The following C5orf34 variants were observed in gnomAD, a reference collection of about 807,000 sequenced individuals.
C5orf34 encodes chromosome 5 open reading frame 34.
C5orf34 carries 73 observed loss-of-function variants against 78.4 expected under a neutral mutation model. The observed-to-expected ratio is 0.93, with a 90% CI of 0.77 to 1.13. The LOEUF (loss-of-function observed/expected upper bound fraction) is 1.13, where lower values mean the gene tolerates loss of function less well. C5orf34 is among the 50% of genes most tolerant of loss of function. C5orf34 has a pLI of 0.00. For synonymous variants in C5orf34, 251 were observed against 246.6 expected, an observed-to-expected ratio of 1.02 and a Z score of -0.17; for missense variants, 730 against 732.7, an observed-to-expected ratio of 1.00 and a Z score of 0.04.
intron 6 of C5orf34, chr5:43,495,906 G>A: frequency 1.3e-6 from 2 of 1,592,144 alleles, no homozygotes; most frequent in African/African-American, 1.3e-5. Context: ...ACTGTGTCAG[G>A]GTTGTAACCA....
chr5:43,499,514 T>C, intron 6 of C5orf34, among the ~76,000 whole-genome samples: 1 of 152,020 alleles, frequency 6.6e-6, no homozygotes, highest in East Asian at 1.9e-4. Flanking sequence ...TAAGTTTTTG[T>C]TAAAAAAAGT....
intron 10 of C5orf34, among the ~76,000 whole-genome samples, chr5:43,491,094 G>A (rs552103450): frequency 3.3e-5 from 5 of 152,152 alleles, no homozygotes; most frequent in South Asian, 4.2e-4. Flanking sequence ...CACAAAATAA[G>A]ACTGACTGAG....
chr5:43,495,195 G>A (rs1292682836), intron 6 of C5orf34: 2 of 1,611,422 alleles, frequency 1.2e-6, no homozygotes, highest in Non-Finnish European at 1.7e-6. Flanking sequence ...ACAGCAAAAT[G>A]ACCCAAAGGT....
intron 3 of C5orf34, among the ~76,000 whole-genome samples, chr5:43,508,261 A>ATTTGCTTATAT (rs1203655627): frequency 2.6e-5 from 4 of 152,154 alleles, no homozygotes; most frequent in Non-Finnish European, 4.4e-5. Context: ...AATACTATAT[A>ATTTGCTTATAT]AGCAAAATAA....
At chr5:43,505,251 C>A (rs1019866873) in intron 4 of C5orf34, among the ~76,000 whole-genome samples, 1 of 152,162 alleles carries the variant, frequency 6.6e-6, no homozygotes, top group South Asian at 2.1e-4. Flanking sequence ...TGAAAACAGA[C>A]GTATTTATAG....
At chr5:43,513,230 T>C (rs1002963538) in intron 1 of C5orf34, among the ~76,000 whole-genome samples, 3 of 152,208 alleles carry the variant, frequency 2.0e-5, no homozygotes, top group Non-Finnish European at 4.4e-5. Context: ...TTTTAATTAT[T>C]TTCTTTCTCT....
intron 6 of C5orf34, among the ~76,000 whole-genome samples, chr5:43,501,700 T>C (rs1054113472): frequency 4.6e-5 from 7 of 152,162 alleles, no homozygotes; most frequent in Non-Finnish European, 8.8e-5. Flanking sequence ...CTCTATTCCC[T>C]AGGGATTCTG....
Position 43,502,454 on chromosome 5 carries a change from C to A in C5orf34, c.1070G>T (p.Gly357Val). Residue 357 changes from glycine (G) to valine (V), a missense_variant, in exon 6 of 13, where the codon GGG becomes GTG. Transcript: ENST00000306862. ...TTCTGATTTGAAAACAGATCCATCC[C>A]CAGAATAAATCTCTATTGAGTTCAT... Reference protein sequence around the residue: ...QNMNSIEIYSGDGSVFKSEGA... With the variant: ...QNMNSIEIYSVDGSVFKSEGA... 1 of 1,582,236 alleles carries A rather than the reference C, an allele frequency of 6.3e-7. No individual in the cohort carries two copies. Among genetic ancestry groups the A allele is most frequent in the East Asian group, 2.2e-5 (1 of 44,620 alleles).
Position 43,502,548 on chromosome 5 carries a change from T to G in C5orf34, c.1029-53A>C, listed in dbSNP as rs1745806663. On this transcript the variant is annotated intron_variant, in intron 5 of 12. Coordinates refer to ENST00000306862, the MANE Select transcript of C5orf34 (RefSeq NM_198566.4). ...TTTTTTTCCACTTGAGATTAAAACA[T>G]GCATGAAGATAGTCATCAAAAAACA... The G allele has an allele frequency of 6.6e-5, 69 of 1,040,680 alleles. No individual in the cohort carries two copies. The South Asian group carries it at 9.4e-4, about 14-fold the overall frequency. The allele number at this position is 1,040,680 out of a possible 1,614,324, so 64.5% of individuals were successfully genotyped here. A position where few individuals can be genotyped will look rare whatever the true frequency, so the allele number is the denominator to read the frequency against.
intron 11 of C5orf34, among the ~76,000 whole-genome samples, chr5:43,488,790 A>G (rs1745160704): frequency 6.6e-6 from 1 of 152,016 alleles, no homozygotes. Flanking sequence ...ATGAAATATG[A>G]GCAATGGCAT....
intron 1 of C5orf34, among the ~76,000 whole-genome samples, chr5:43,512,601 T>G (rs1746316637): frequency 6.6e-6 from 1 of 152,168 alleles, no homozygotes; most frequent in African/African-American, 2.4e-5. Context: ...TCCCCTAACA[T>G]TGGGCTGCCA....
intron 1 of C5orf34, among the ~76,000 whole-genome samples, chr5:43,511,451 TGGGGGGCGCCTC>T (rs1579886462): frequency 2.7e-5 from 4 of 147,242 alleles, no homozygotes; most frequent in Non-Finnish European, 4.5e-5. Context: ...AACCGGGAGG[TGGGGGGCGCCTC>T]TGCCTGGCCG....
chr5:43,508,430 A>C, intron 3 of C5orf34, 147 bp downstream of exon 3: 1 of 507,130 alleles, frequency 2.0e-6, no homozygotes, highest in Non-Finnish European at 3.6e-6. Flanking sequence ...AGAAAATGGC[A>C]AGGGGGATAC....
At chr5:43,490,585 A>T (rs1745240635) in intron 11 of C5orf34, 46 bp downstream of exon 11, 2 of 1,215,720 alleles carry the variant, frequency 1.6e-6, no homozygotes. Flanking sequence ...AATTTTTTTT[A>T]AAGTATTAGC....
At chr5:43,492,004 CAAAAAAAAAAAAA>C (rs34983529) in intron 10 of C5orf34, among the ~76,000 whole-genome samples, 198 bp downstream of exon 10, 1 of 85,538 alleles carries the variant, frequency 1.2e-5, no homozygotes, top group Non-Finnish European at 2.3e-5. Context: ...AACTCTGTCT[CAAAAAAAAAAAAA>C]AAAAAAAAGC....
Position 43,490,631 on chromosome 5 carries a change from C to G in C5orf34, c.1679G>C (p.Trp560Ser). ...HSSSSVLQENWSVASELEKIQ... is the reference protein window; with the variant it reads ...HSSSSVLQENSSVASELEKIQ... Reference sequence around the variant, plus strand: ...AGATTTAAGTTTAAAAGAAAAATACCAATTTTCTTGGAGAACAGAAGATGA... The same window carrying G: ...AGATTTAAGTTTAAAAGAAAAATACGAATTTTCTTGGAGAACAGAAGATGA... The change falls in exon 11 of 13, where the codon TGG becomes TCG. Residue 560 changes from tryptophan to serine, a missense_variant and splice_region_variant. Trp to Ser is a radical substitution (Grantham distance 177). Transcript: ENST00000306862. The G allele has an allele frequency of 6.3e-7, 1 of 1,584,856 alleles. No individual in the cohort carries two copies. Among genetic ancestry groups the G allele is most frequent in the Non-Finnish European group, 8.7e-7 (1 of 1,154,142 alleles).
At chr5:43,497,535 A>G (rs1745587852) in intron 6 of C5orf34, among the ~76,000 whole-genome samples, 1 of 152,116 alleles carries the variant, frequency 6.6e-6, no homozygotes, top group Non-Finnish European at 1.5e-5. Context: ...AGTCAGACAG[A>G]TGTGGATTCA....
rs1427360248 is a variant in C5orf34 at position 43,490,680 on chromosome 5, G to A, written c.1630C>T (p.Pro544Ser). The change falls in exon 11 of 13, where the codon CCC becomes TCC. Residue 544 changes from proline to serine, a missense_variant. Pro to Ser is a moderately conservative substitution (Grantham distance 74). Transcript: ENST00000306862. ...GACGAATGAGTGGGCATCTCTCTGG[G>A]ACTAGTCTGGGTCAGTCTCCTGCAC... ...SWCRRLTQTS[P>S]REMPTHSSSS... 4 of 1,611,546 alleles carry A rather than the reference G, an allele frequency of 2.5e-6. No homozygotes were observed. The highest frequency in any genetic ancestry group is 1.7e-5 in the Admixed American group (1 of 59,952).
chr5:43,499,110 A>T (rs889580687), intron 6 of C5orf34, among the ~76,000 whole-genome samples: 1 of 152,230 alleles, frequency 6.6e-6, no homozygotes, highest in Non-Finnish European at 1.5e-5. Context: ...TGCTTTGAAG[A>T]AAAAACATGA....
Sources: gnomAD v4.1 joint callset for allele counts (sites outside exome capture counted in the v4.1 genomes callset) on GRCh38, gnomAD v4.1.1 for gene constraint, MANE v1.5 for transcripts, NCBI Gene and HGNC (gene_info 2026-07-23, HGNC 2026-07-21) for gene names.